STXBP5: variants seen among roughly 807,000 people sequenced by gnomAD.
The protein encoded by STXBP5 is syntaxin-binding protein 5.
Under a neutral mutation model 152.4 loss-of-function variants are expected in STXBP5, and 50 were observed. The ratio of observed to expected loss-of-function variants is 0.33; its 90% CI spans 0.26 to 0.42. The LOEUF (loss-of-function observed/expected upper bound fraction) is 0.42. Ranked by LOEUF, STXBP5 falls within the 10% of genes least tolerant of loss-of-function variation. STXBP5 has a pLI of 1.00. For missense variants in STXBP5, 1,167 were observed against 1,388.6 expected, an observed-to-expected ratio of 0.84 and a Z score of 2.54; for synonymous variants, 492 against 494.7, an observed-to-expected ratio of 0.99 and a Z score of 0.07.
chr6:147,335,509 TA>T (rs1304686028), intron 19 of STXBP5, among the ~76,000 whole-genome samples: 1 of 152,224 alleles, frequency 6.6e-6, no homozygotes, highest in African/African-American at 2.4e-5. Flanking sequence ...AGATGGGTTT[TA>T]ATAAGATTCA....
intron 16 of STXBP5, among the ~76,000 whole-genome samples, chr6:147,317,413 G>C (rs1582935269): frequency 6.6e-6 from 1 of 152,230 alleles, no homozygotes; most frequent in East Asian, 1.9e-4. Flanking sequence ...GTCTAAGCTG[G>C]TGGCTCTCAT....
intron 2 of STXBP5, among the ~76,000 whole-genome samples, chr6:147,209,993 T>C (rs1233226121): frequency 6.6e-6 from 1 of 152,208 alleles, no homozygotes; most frequent in Non-Finnish European, 1.5e-5. Flanking sequence ...GGAATCATAG[T>C]TATGTAATAG....
chr6:147,378,726 G>A (rs1310729170), intron 26 of STXBP5, among the ~76,000 whole-genome samples: 1 of 151,810 alleles, frequency 6.6e-6, no homozygotes, highest in Non-Finnish European at 1.5e-5. Flanking sequence ...GAAATAACAG[G>A]TTACCAAACT....
intron 23 of STXBP5, 51 bp downstream of exon 23, chr6:147,359,374 G>A (rs762340405): frequency 7.1e-6 from 11 of 1,552,632 alleles, no homozygotes; most frequent in Non-Finnish European, 8.7e-6. Flanking sequence ...GATTTACTAT[G>A]ATAGAAGCCT....
At chr6:147,341,201 C>CA (rs1784076548) in intron 21 of STXBP5, among the ~76,000 whole-genome samples, 1 of 152,032 alleles carries the variant, frequency 6.6e-6, no homozygotes, top group Non-Finnish European at 1.5e-5. Context: ...GAAAAACTAA[C>CA]ACATTAGTTT....
At chr6:147,283,866 C>T (rs1244050601) in intron 8 of STXBP5, among the ~76,000 whole-genome samples, 1 of 152,124 alleles carries the variant, frequency 6.6e-6, no homozygotes, top group Admixed American at 6.5e-5. Flanking sequence ...AACCCTCCTC[C>T]CCATTGCAGA....
chr6:147,323,588 C>T (rs1051008994), intron 16 of STXBP5, among the ~76,000 whole-genome samples: 3 of 152,030 alleles, frequency 2.0e-5, no homozygotes, highest in South Asian at 2.1e-4. Context: ...GACGGGGTTT[C>T]GCCATGTTGG....
intron 1 of STXBP5, among the ~76,000 whole-genome samples, chr6:147,205,062 G>A (rs149306621): frequency 2.0e-5 from 3 of 152,066 alleles, no homozygotes; most frequent in African/African-American, 7.2e-5. Context: ...TCTAATGAAT[G>A]TTGTTTATCA....
At chr6:147,246,828 A>G (rs1778834292) in intron 4 of STXBP5, among the ~76,000 whole-genome samples, 1 of 152,210 alleles carries the variant, frequency 6.6e-6, no homozygotes, top group African/African-American at 2.4e-5. Flanking sequence ...AAACAACCGT[A>G]TGACAAATGA....
At chr6:147,321,359 A>G (rs1400992436) in intron 16 of STXBP5, among the ~76,000 whole-genome samples, 1 of 152,150 alleles carries the variant, frequency 6.6e-6, no homozygotes, top group Admixed American at 6.5e-5. Flanking sequence ...AGACCAAGGA[A>G]GGGGATTGAT....
chr6:147,359,812 A>G (rs959403922), intron 23 of STXBP5, among the ~76,000 whole-genome samples: 3 of 152,036 alleles, frequency 2.0e-5, no homozygotes, highest in African/African-American at 7.2e-5. Flanking sequence ...ATGGCTGCAT[A>G]GTATTCCATG....
intron 9 of STXBP5, among the ~76,000 whole-genome samples, chr6:147,303,879 C>G (rs960235928): frequency 1.3e-5 from 2 of 152,012 alleles, no homozygotes; most frequent in Non-Finnish European, 2.9e-5. Flanking sequence ...GCTTTTTGCC[C>G]CTGTCCTAGA....
At chr6:147,295,559 G>T (rs1354642281) in intron 9 of STXBP5, among the ~76,000 whole-genome samples, 1 of 152,128 alleles carries the variant, frequency 6.6e-6, no homozygotes, top group Non-Finnish European at 1.5e-5. Flanking sequence ...ATTCCCCATG[G>T]AGTATGGCAA....
chr6:147,292,954 A>G (rs1781351243), intron 9 of STXBP5: 1 of 152,220 alleles, frequency 6.6e-6, no homozygotes, highest in Non-Finnish European at 1.5e-5. Context: ...CCACTACCTA[A>G]TAGCATCATG....
rs561882120 is a variant in STXBP5, at chr6:147,235,677, G to C, written c.330+346G>C. 7.3e-4 allele frequency among the ~76,000 whole-genome samples: 111 copies of C among 152,184 alleles called. 2 individuals are homozygous for C. The highest frequency in any genetic ancestry group is 2.6e-3 in the African/African-American group (109 of 41,546). ...GAGCTTATTACAAATCAAAGAGTGTGCTTCTTTAATGAATTGCTTTGAAAT... is the reference window on the plus strand; with the variant it reads ...GAGCTTATTACAAATCAAAGAGTGTCCTTCTTTAATGAATTGCTTTGAAAT... On this transcript the variant is annotated intron_variant, in intron 3 of 27. Transcript: ENST00000321680.
chr6:147,206,900 C>T (rs1451394321), intron 2 of STXBP5, among the ~76,000 whole-genome samples: 1 of 151,670 alleles, frequency 6.6e-6, no homozygotes, highest in Non-Finnish European at 1.5e-5. Flanking sequence ...TTGAAACATA[C>T]TTAACCTAAA....
intron 19 of STXBP5, among the ~76,000 whole-genome samples, chr6:147,335,616 G>A (rs1039583446): frequency 3.3e-5 from 5 of 152,098 alleles, no homozygotes; most frequent in African/African-American, 4.8e-5. Flanking sequence ...TTGTAGATAA[G>A]TATATATTTA....
chr6:147,265,896 G>A (rs1040243264), intron 6 of STXBP5, among the ~76,000 whole-genome samples: 1 of 151,874 alleles, frequency 6.6e-6, no homozygotes, highest in African/African-American at 2.4e-5. Flanking sequence ...ATATTGTGTG[G>A]TGATCCTTCG....
intron 16 of STXBP5, among the ~76,000 whole-genome samples, 197 bp downstream of exon 16, chr6:147,316,604 TATC>T (rs1782657824): frequency 6.6e-6 from 1 of 152,198 alleles, no homozygotes; most frequent in South Asian, 2.1e-4. Flanking sequence ...TTCATGATAT[TATC>T]CTTAAAATAT....
Sources: gnomAD v4.1 joint callset for allele counts (sites outside exome capture counted in the v4.1 genomes callset) on GRCh38, gnomAD v4.1.1 for gene constraint, MANE v1.5 for transcripts, NCBI Gene and HGNC (gene_info 2026-07-23, HGNC 2026-07-21) for gene names.